NUP188: variants seen among roughly 807,000 people sequenced by gnomAD.
NUP188 encodes the protein nucleoporin 188.
A neutral mutation model predicts 223.0 loss-of-function variants in NUP188; 97 were observed. The observed-to-expected ratio is 0.43, with a 90% CI of 0.37 to 0.51. NUP188 has a LOEUF of 0.51. NUP188 is among the 20% of genes least tolerant of loss of function. The pLI, the probability that NUP188 is intolerant of heterozygous loss-of-function variation, is 0.00. For missense variants in NUP188, 1,947 were observed against 2,175.6 expected, an observed-to-expected ratio of 0.89 and a Z score of 2.09; for synonymous variants, 869 against 828.0, an observed-to-expected ratio of 1.05 and a Z score of -0.85.
At chr9:128,977,535 C>T (rs534998588) in intron 12 of NUP188, among the ~76,000 whole-genome samples, 1 of 152,148 alleles carries the variant, frequency 6.6e-6, no homozygotes, top group African/African-American at 2.4e-5. Flanking sequence ...CTTGGCCAGG[C>T]ACAGTGGCTC....
intron 5 of NUP188, 56 bp from the exon 6 acceptor site, chr9:128,957,954 A>T: frequency 7.7e-7 from 1 of 1,304,902 alleles, no homozygotes; most frequent in Admixed American, 2.1e-5. Context: ...ATCTTTTTTT[A>T]TTACTTGAGT....
chr9:128,957,918 T>G, intron 5 of NUP188, 92 bp from the exon 6 acceptor site: 1 of 935,132 alleles, frequency 1.1e-6, no homozygotes, highest in Non-Finnish European at 1.7e-6. Flanking sequence ...GCAATTATAA[T>G]CTTGAAGGAT....
intron 10 of NUP188, 134 bp from the exon 11 acceptor site, chr9:128,970,624 A>C: frequency 1.4e-6 from 1 of 697,756 alleles, no homozygotes; most frequent in Non-Finnish European, 2.5e-6. Context: ...TGGGGGTTTG[A>C]GAAGAGTGAA....
In NUP188 at chr9:128,952,826, T is replaced by C. The variant is rs777573167; in HGVS notation, c.141T>C (p.Leu47=). ...ATTGGCGGCGATTGTTAGAGGGGCT[T>C]TCTTACTACAAACCTCCCAGGTATG... ...NKHWRRLLEG[L]SYYKPPSPSS... The change falls in exon 3 of 44, where the codon CTT becomes CTC. Residue 47 remains leucine, a synonymous_variant. Coordinates refer to ENST00000372577, the MANE Select transcript of NUP188 (RefSeq NM_015354.3). The C allele has an allele frequency of 6.2e-7, 1 of 1,613,852 alleles. No homozygotes were observed. The highest frequency in any genetic ancestry group is 8.5e-7 in the Non-Finnish European group (1 of 1,179,780).
At chr9:128,995,023 G>C (rs1168565161) in intron 29 of NUP188, 100 bp downstream of exon 29, 3 of 895,956 alleles carry the variant, frequency 3.3e-6, no homozygotes, top group African/African-American at 3.3e-5. Context: ...AGGCAGAGGA[G>C]AGAACTGGTT....
chr9:128,949,219 T>A lies in NUP188; in HGVS notation c.63T>A (p.Leu21=), dbSNP rs772323905. ...RSSRELWTIL[L]GRSALRELSQ... ...GTAGAGAACTGTGGACTATTCTGCT[T>A]GGAAGGTCAGCTCTGAGAGAGCTGG... The change falls in exon 2 of 44, where the codon CTT becomes CTA. Residue 21 remains leucine (L), a synonymous_variant. Coordinates refer to ENST00000372577, the MANE Select transcript of NUP188 (RefSeq NM_015354.3). The A allele has an allele frequency of 2.1e-5, 34 of 1,613,400 alleles. No individual in the cohort carries two copies. The highest frequency in any genetic ancestry group is 2.7e-5 in the Non-Finnish European group (32 of 1,179,432).
rs1842337663 is a variant in NUP188, at chr9:128,986,645, C to T, written c.2164C>T (p.Arg722Cys). The change falls in exon 21 of 44, where the codon CGC (arginine) becomes TGC (cysteine). Residue 722 changes from arginine (R) to cysteine (C), a missense_variant. Physicochemically the swap from Arg to Cys is radical, Grantham distance 180. Transcript: ENST00000372577. ...GATGCTTCCCAGCTACCATAAGTGG[C>T]GCTACAACTCTCATGGAGTGAGGGA... ...KEMLPSYHKW[R>C]YNSHGVREQI... is the part of the protein sequence containing the mutation. 3.1e-6 allele frequency: 5 copies of T among 1,614,018 alleles called. No individual in the cohort carries two copies. The highest frequency in any genetic ancestry group is 1.3e-5 in the African/African-American group (1 of 74,908).
chr9:128,953,166 T>C (rs1050658906), intron 3 of NUP188, among the ~76,000 whole-genome samples: 5 of 152,216 alleles, frequency 3.3e-5, no homozygotes, highest in Non-Finnish European at 7.3e-5. Flanking sequence ...TGGTGGGAGA[T>C]AGCAGTGAAG....
chr9:129,006,628 G>A lies in NUP188; in HGVS notation c.5200G>A (p.Glu1734Lys), dbSNP rs748965485. Residue 1734 changes from glutamate (E) to lysine (K), a missense_variant, in exon 44 of 44, where the codon GAG becomes AAG. By Grantham distance (56) the Glu-to-Lys change is moderately conservative. Around this residue, in one of 3 missense-constraint regions of NUP188, gnomAD observed 905 missense variants for 990.6 expected, o/e 0.91. Coordinates refer to ENST00000372577, the MANE Select transcript of NUP188 (RefSeq NM_015354.3). ...CTCCAAAGCCAGCCCTGAGAGTCAGGAGCCTCTGATCCAGTTGGTGCAGGC... is the reference window on the plus strand; with the variant it reads ...CTCCAAAGCCAGCCCTGAGAGTCAGAAGCCTCTGATCCAGTTGGTGCAGGC... ...SLSKASPESQ[E>K]PLIQLVQAFV... 7 of 1,614,050 alleles carry A rather than the reference G, an allele frequency of 4.3e-6. No homozygotes were observed. The highest frequency in any genetic ancestry group is 5.9e-6 in the Non-Finnish European group (7 of 1,180,040).
At chr9:128,978,980 G>A (rs1346082284) in intron 12 of NUP188, among the ~76,000 whole-genome samples, 1 of 152,186 alleles carries the variant, frequency 6.6e-6, no homozygotes, top group East Asian at 1.9e-4. Flanking sequence ...AAAGTGTTAG[G>A]ATTATAGGGG....
In NUP188 at chr9:128,959,122, T is replaced by C. The variant is rs1331586456; in HGVS notation, c.573T>C (p.His191=). The change falls in exon 8 of 44, where the codon CAT becomes CAC. Residue 191 remains histidine, a synonymous_variant. Transcript: ENST00000372577. ...CTGAAGCACCAACTTGGGAGACACA[T>C]GGAAATCTCATGGTATGTGGTTACT... ...YKTEAPTWET[H]GNLMTERQVS... The C allele has an allele frequency of 6.3e-7, 1 of 1,597,394 alleles. No individual in the cohort carries two copies.
At position 129,001,681 on chromosome 9, in the gene NUP188, C is replaced by T. The variant is rs1842671531; in HGVS notation, c.3996C>T (p.Phe1332=). The change falls in exon 35 of 44, where the codon TTC becomes TTT. Residue 1332 remains phenylalanine (F), a synonymous_variant. Coordinates refer to ENST00000372577, the MANE Select transcript of NUP188 (RefSeq NM_015354.3). ...VSLRMKQNLH[F]TEATLHLLLT... Reference sequence around the variant, plus strand: ...TTCGCATGAAGCAGAACCTGCATTTCACTGAGGCCACATTGCATCTGCTCC... The same window carrying T: ...TTCGCATGAAGCAGAACCTGCATTTTACTGAGGCCACATTGCATCTGCTCC... 2.5e-6 allele frequency: 4 copies of T among 1,614,030 alleles called. No homozygotes were observed. The highest frequency in any genetic ancestry group is 3.4e-6 in the Non-Finnish European group (4 of 1,179,978).
chr9:128,992,876 G>A (rs537010513), intron 25 of NUP188, among the ~76,000 whole-genome samples: 17 of 152,276 alleles, frequency 1.1e-4, no homozygotes, highest in African/African-American at 4.1e-4. Flanking sequence ...ATAACACCAA[G>A]TATTCTATCG....
At position 128,995,400 on chromosome 9, in the gene NUP188, C is replaced by T. The variant is rs1564564834; in HGVS notation, c.3237C>T (p.Val1079=). 1 of 1,614,046 alleles carries T rather than the reference C, an allele frequency of 6.2e-7. No individual in the cohort carries two copies. The highest frequency in any genetic ancestry group is 1.3e-5 in the African/African-American group (1 of 75,034). ...GCTTTGCCTACTGGTCAGGGTATGT[C>T]AAGTCATTGGCAGTTCACGTGGCCG... ...EKRFAYWSGY[V]KSLAVHVAET... The change falls in exon 30 of 44, where the codon GTC becomes GTT. Residue 1079 remains valine, a synonymous_variant. Coordinates refer to ENST00000372577, the MANE Select transcript of NUP188 (RefSeq NM_015354.3).
chr9:129,001,422 ATGTG>A, intron 34 of NUP188, 103 bp from the exon 35 acceptor site: 1 of 906,114 alleles, frequency 1.1e-6, no homozygotes, highest in Non-Finnish European at 1.8e-6. Flanking sequence ...TCACTTAGCA[ATGTG>A]TGTAACCAAG....
rs548800865 is a variant in NUP188, at chr9:129,000,634, T to A, written c.3843+829T>A. 2.6e-4 allele frequency among the ~76,000 whole-genome samples: 40 copies of A among 152,206 alleles called. No homozygotes were observed. In the East Asian group the frequency reaches 5.6e-3, roughly 21 times the overall value. On this transcript the variant is annotated intron_variant, in intron 34 of 43. Transcript: ENST00000372577. ...CGCCTGGCCACAACCAGCATTTTTT[T>A]AAAATAAAGTAGAATAAAGTGTTTA...
intron 34 of NUP188, among the ~76,000 whole-genome samples, chr9:129,000,441 C>T (rs1842622834): frequency 6.6e-6 from 1 of 152,074 alleles, no homozygotes; most frequent in Non-Finnish European, 1.5e-5. Context: ...ACCTCAGCCA[C>T]CCGAGTAGCT....
chr9:128,959,617 C>T (rs1248723275), intron 8 of NUP188, among the ~76,000 whole-genome samples: 1 of 149,804 alleles, frequency 6.7e-6, no homozygotes, highest in Non-Finnish European at 1.5e-5. Context: ...ACTGCAACCT[C>T]CACCTCCCGG....
intron 8 of NUP188, among the ~76,000 whole-genome samples, chr9:128,963,901 C>T (rs1170931994): frequency 6.6e-6 from 1 of 151,820 alleles, no homozygotes; most frequent in Admixed American, 6.6e-5. Flanking sequence ...ACTGCAACCT[C>T]TGCCTCCTGA....
Sources: gnomAD v4.1 joint callset for allele counts (sites outside exome capture counted in the v4.1 genomes callset) on GRCh38, gnomAD v4.1.1 for gene constraint, gnomAD v4.1.1 regional missense constraint, MANE v1.5 for transcripts, NCBI Gene and HGNC (gene_info 2026-07-23, HGNC 2026-07-21) for gene names.